LDB2: variants seen among roughly 807,000 people sequenced by gnomAD.
The protein encoded by LDB2 is LIM domain-binding protein 2.
A neutral mutation model predicts 44.3 loss-of-function variants in LDB2; 12 were observed. That is an observed-to-expected ratio of 0.27 (90% CI 0.17 to 0.44). The LOEUF is 0.44. Among genes scored for constraint, LDB2 ranks in the 20% least tolerant of loss-of-function variants. The probability of loss-of-function intolerance (pLI) is 1.00; values close to 1 mark genes in which losing one functional copy is unlikely to be tolerated. For missense variants in LDB2, 344 were observed against 473.5 expected, an observed-to-expected ratio of 0.73 and a Z score of 2.54; for synonymous variants, 164 against 174.8, an observed-to-expected ratio of 0.94 and a Z score of 0.49.
intron 1 of LDB2, among the ~76,000 whole-genome samples, chr4:16,760,010 GT>G (rs1459575615): frequency 1.3e-5 from 2 of 152,192 alleles, no homozygotes; most frequent in African/African-American, 4.8e-5. Context: ...CAGAATCACT[GT>G]TAATCTCCAA....
At position 16,505,325 on chromosome 4, in the gene LDB2, ATACT is replaced by A. The variant is rs559916851; in HGVS notation, c.892-2456_892-2453del. Among the ~76,000 whole-genome samples, 56 of 152,064 alleles carry A rather than the reference ATACT, an allele frequency of 3.7e-4. 1 individual carries two copies. The South Asian group carries it at 9.6e-3, about 26-fold the overall frequency. On this transcript the variant is annotated intron_variant, in intron 7 of 7. Coordinates refer to ENST00000304523, the MANE Select transcript of LDB2 (RefSeq NM_001290.5). Reference sequence around the variant, plus strand: ...AATTATATAAAATATCCCTAGCTAGATACTTAGTTGTGTGTGTGTGTGAGAGAGA... The same window carrying A: ...AATTATATAAAATATCCCTAGCTAGATAGTTGTGTGTGTGTGTGAGAGAGA...
At chr4:16,823,395 T>C (rs991864076) in intron 1 of LDB2, among the ~76,000 whole-genome samples, 1 of 152,240 alleles carries the variant, frequency 6.6e-6, no homozygotes, top group African/African-American at 2.4e-5. Flanking sequence ...TTTAACAACA[T>C]CTTGTCTCTG....
chr4:16,637,875 A>G (rs1236279453), intron 2 of LDB2, among the ~76,000 whole-genome samples: 1 of 152,128 alleles, frequency 6.6e-6, no homozygotes, highest in Non-Finnish European at 1.5e-5. Flanking sequence ...TCCTCTGTCA[A>G]AAGAGAGGGG....
intron 1 of LDB2, among the ~76,000 whole-genome samples, chr4:16,831,174 C>CTTTTTTTTT (rs370309653): frequency 8.7e-5 from 11 of 126,750 alleles, no homozygotes; most frequent in Non-Finnish European, 8.1e-5. Flanking sequence ...CCTCTCTGAG[C>CTTTTTTTTT]TTTTTTTTTT....
At chr4:16,856,556 AC>A (rs2110223404) in intron 1 of LDB2, among the ~76,000 whole-genome samples, 1 of 152,316 alleles carries the variant, frequency 6.6e-6, no homozygotes, top group East Asian at 1.9e-4. Context: ...TGCCACTGCA[AC>A]ACAATAGCAT....
chr4:16,691,863 CCTT>C (rs1750842783), intron 2 of LDB2, among the ~76,000 whole-genome samples: 1 of 152,136 alleles, frequency 6.6e-6, no homozygotes, highest in South Asian at 2.1e-4. Context: ...GTTAAGGACT[CCTT>C]CTCTGCTTAA....
chr4:16,790,247 T>C (rs1775416729), intron 1 of LDB2, among the ~76,000 whole-genome samples: 1 of 152,224 alleles, frequency 6.6e-6, no homozygotes, highest in Admixed American at 6.5e-5. Flanking sequence ...ATGGCAAAAC[T>C]CTTAAGGCAG....
intron 2 of LDB2, among the ~76,000 whole-genome samples, chr4:16,718,205 GT>G (rs1188276329): frequency 1.3e-5 from 2 of 151,918 alleles, no homozygotes; most frequent in African/African-American, 4.8e-5. Flanking sequence ...ATTGTACAAG[GT>G]ACTGGGGAAA....
intron 5 of LDB2, among the ~76,000 whole-genome samples, chr4:16,525,506 T>C (rs1727877794): frequency 6.6e-6 from 1 of 152,200 alleles, no homozygotes; most frequent in Non-Finnish European, 1.5e-5. Context: ...GTAAGATTCA[T>C]GTTGATGATG....
In LDB2 at chr4:16,502,321, T is replaced by TA; in HGVS notation, c.*321dup. ...GACAATATGGCCTTCGTTTGATGCA[T>TA]AAAAAGGAAATTCAACACAAACACG... On this transcript the variant is annotated 3_prime_UTR_variant, in exon 8 of 8. Coordinates refer to ENST00000304523, the MANE Select transcript of LDB2 (RefSeq NM_001290.5). 3.3e-6 allele frequency: 1 copy of TA among 303,896 alleles called. No homozygotes were observed. The highest frequency in any genetic ancestry group is 6.2e-6 in the Non-Finnish European group (1 of 160,230). The allele number at this position is 303,896 out of a possible 1,614,324, so 18.8% of individuals were successfully genotyped here. A position where few individuals can be genotyped will look rare whatever the true frequency, so the allele number is the denominator to read the frequency against.
chr4:16,695,716 C>T (rs1224721555), intron 2 of LDB2, among the ~76,000 whole-genome samples: 1 of 152,138 alleles, frequency 6.6e-6, no homozygotes, highest in Non-Finnish European at 1.5e-5. Context: ...CCCTAGATGA[C>T]ACAACACATC....
At chr4:16,530,349 C>G (rs1377517902) in intron 5 of LDB2, among the ~76,000 whole-genome samples, 1 of 152,310 alleles carries the variant, frequency 6.6e-6, no homozygotes, top group East Asian at 1.9e-4. Context: ...TCAGTTGGGT[C>G]TAGTCTCAAA....
At chr4:16,585,231 G>C (rs188675699) in intron 5 of LDB2, among the ~76,000 whole-genome samples, 1 of 152,154 alleles carries the variant, frequency 6.6e-6, no homozygotes, top group Non-Finnish European at 1.5e-5. Flanking sequence ...AGCACCCGCC[G>C]TCCACCCACA....
chr4:16,811,457 A>G (rs1579887277), intron 1 of LDB2, among the ~76,000 whole-genome samples: 2 of 152,316 alleles, frequency 1.3e-5, no homozygotes, highest in East Asian at 3.9e-4. Flanking sequence ...GCTATGACTA[A>G]ACTTGGACTA....
chr4:16,831,866 T>C (rs1332210608), intron 1 of LDB2, among the ~76,000 whole-genome samples: 1 of 152,134 alleles, frequency 6.6e-6, no homozygotes, highest in Non-Finnish European at 1.5e-5. Context: ...AAGAGGCACA[T>C]CCCTTTCTCT....
chr4:16,762,632 A>G (rs1768177571), intron 1 of LDB2, among the ~76,000 whole-genome samples: 1 of 152,180 alleles, frequency 6.6e-6, no homozygotes, highest in South Asian at 2.1e-4. Flanking sequence ...CCCATGATTC[A>G]ATTATCTCCA....
intron 1 of LDB2, among the ~76,000 whole-genome samples, chr4:16,794,361 A>G (rs916978587): frequency 3.9e-5 from 6 of 152,210 alleles, no homozygotes; most frequent in African/African-American, 1.4e-4. Flanking sequence ...TGACCACCTC[A>G]AGATGACTGC....
At chr4:16,760,415 C>T (rs184829144) in intron 1 of LDB2, among the ~76,000 whole-genome samples, 2 of 152,304 alleles carry the variant, frequency 1.3e-5, no homozygotes, top group Non-Finnish European at 2.9e-5. Flanking sequence ...CCGTCCTCTC[C>T]TTCAGAAAAG....
intron 7 of LDB2, among the ~76,000 whole-genome samples, chr4:16,504,918 G>A (rs188230126): frequency 2.8e-4 from 43 of 152,306 alleles, no homozygotes; most frequent in East Asian, 1.9e-3. Context: ...AAACACATGC[G>A]TAAGGCGTCA....
Sources: allele counts gnomAD v4.1 joint callset (sites outside exome capture counted in the v4.1 genomes callset), GRCh38; gene constraint gnomAD v4.1.1; transcripts MANE v1.5; gene names NCBI Gene and HGNC (gene_info 2026-07-23, HGNC 2026-07-21).